UPRT: variants seen among roughly 807,000 people sequenced by gnomAD.
UPRT encodes RP11-311P8.3.
UPRT carries 5 observed loss-of-function variants against 22.6 expected under a neutral mutation model. That is an observed-to-expected ratio of 0.22 (90% CI 0.12 to 0.47). The LOEUF is 0.47. Among genes scored for constraint, UPRT ranks in the 20% least tolerant of loss-of-function variants. UPRT has a pLI of 0.99. For missense variants in UPRT, 181 were observed against 239.9 expected (o/e 0.75, Z 1.62); for synonymous variants, 77 against 87.7 (o/e 0.88, Z 0.68).
At chrX:75,172,724 C>T (rs1329088463) in intron 4 of UPRT, among the ~76,000 whole-genome samples, 4 of 109,164 alleles carry the variant, frequency 3.7e-5, no homozygotes, top group African/African-American at 1.3e-4. Flanking sequence ...AAGCTGCAGA[C>T]TTTCGCGGTG....
At chrX:75,178,169 C>G (rs1261053429) in intron 4 of UPRT, among the ~76,000 whole-genome samples, 2 of 112,341 alleles carry the variant, frequency 1.8e-5, no homozygotes, top group African/African-American at 6.5e-5. Flanking sequence ...ACGGTCCCAA[C>G]TCCGAAGAGT....
chrX:75,243,477 C>A (rs2082494584), intron 4 of UPRT, among the ~76,000 whole-genome samples: 1 of 111,232 alleles, frequency 9.0e-6, no homozygotes, highest in Non-Finnish European at 1.9e-5. Flanking sequence ...TGAGGATTGG[C>A]AATCCTCAAG....
intron 3 of UPRT, among the ~76,000 whole-genome samples, chrX:75,164,176 CTAAATAAATAAA>C (rs768965736): frequency 9.1e-6 from 1 of 110,185 alleles, no homozygotes; most frequent in African/African-American, 3.3e-5. Flanking sequence ...GTCTCCATCT[CTAAATAAATAAA>C]TAAATAAATA....
chrX:75,244,812 T>C (rs1311199376), intron 4 of UPRT, among the ~76,000 whole-genome samples: 1 of 109,648 alleles, frequency 9.1e-6, no homozygotes, highest in African/African-American at 3.3e-5. Flanking sequence ...CCTACAACCA[T>C]AAAAAAAACC....
At chrX:75,174,640 G>A (rs970370954) in intron 4 of UPRT, among the ~76,000 whole-genome samples, 33 of 112,182 alleles carry the variant, frequency 2.9e-4, no homozygotes, top group Non-Finnish European at 5.6e-4. Context: ...CCCCTAAGAA[G>A]GTGTAGCGTC....
At chrX:75,175,279 T>C (rs6655629) in intron 4 of UPRT, among the ~76,000 whole-genome samples, 1,270 of 111,908 alleles carry the variant, frequency 0.011, 20 homozygotes, top group African/African-American at 0.04. Context: ...ATGTAGATAA[T>C]AGCTCCAGCC....
intron 4 of UPRT, among the ~76,000 whole-genome samples, chrX:75,246,413 G>A (rs1306393637): frequency 1.8e-5 from 2 of 109,760 alleles, no homozygotes; most frequent in Middle Eastern, 8.5e-3. Flanking sequence ...CTTCATCCAT[G>A]TCCCTACAAA....
intron 4 of UPRT, among the ~76,000 whole-genome samples, chrX:75,259,795 A>G (rs933688510): frequency 5.4e-5 from 6 of 110,886 alleles, no homozygotes; most frequent in African/African-American, 1.3e-4. Context: ...CAACCCCAAG[A>G]CACATAATAG....
chrX:75,260,605 A>G (rs560261373), intron 4 of UPRT, among the ~76,000 whole-genome samples: 14 of 112,154 alleles, frequency 1.2e-4, no homozygotes, highest in African/African-American at 3.9e-4. Context: ...TCATAAAGCA[A>G]GTCCTTAGAG....
chrX:75,196,846 CA>C (rs1414484900), intron 4 of UPRT, among the ~76,000 whole-genome samples: 3 of 109,704 alleles, frequency 2.7e-5, no homozygotes, highest in African/African-American at 1.0e-4. Context: ...GACTCTTTCT[CA>C]AAAAAAGATA....
chrX:75,281,386 T>C (rs1208980796), intron 1 of UPRT, among the ~76,000 whole-genome samples: 3 of 111,852 alleles, frequency 2.7e-5, no homozygotes, highest in African/African-American at 3.3e-5. Flanking sequence ...TTTAGTATTA[T>C]GTTGTCTGTG....
intron 4 of UPRT, among the ~76,000 whole-genome samples, chrX:75,222,630 T>TG (rs1332269931): frequency 1.8e-5 from 2 of 111,221 alleles, no homozygotes; most frequent in Non-Finnish European, 3.8e-5. Context: ...CACAGGCCCA[T>TG]GGGGAACACT....
At chrX:75,281,740 C>A (rs1227793281) in intron 1 of UPRT, among the ~76,000 whole-genome samples, 1 of 111,422 alleles carries the variant, frequency 9.0e-6, no homozygotes, top group Non-Finnish European at 1.9e-5. Context: ...TTGGTCATAT[C>A]CTTCCCTGGT....
intron 4 of UPRT, among the ~76,000 whole-genome samples, chrX:75,195,835 C>A (rs1422290409): frequency 8.9e-6 from 1 of 111,933 alleles, no homozygotes; most frequent in Admixed American, 9.4e-5. Flanking sequence ...ATGTCCTAGT[C>A]CCTTGGTGCT....
At chrX:75,164,780 A>C (rs1396279126) in intron 3 of UPRT, among the ~76,000 whole-genome samples, 1 of 111,601 alleles carries the variant, frequency 9.0e-6, no homozygotes, top group African/African-American at 3.3e-5. Context: ...ATAGCTAATA[A>C]AACTTTAAAA....
At chrX:75,183,500 T>C (rs958480652) in intron 4 of UPRT, among the ~76,000 whole-genome samples, 22 of 112,246 alleles carry the variant, frequency 2.0e-4, no homozygotes, top group Non-Finnish European at 5.6e-5. Context: ...CATGTGCCTT[T>C]ATAGCAGCAT....
intron 1 of UPRT, among the ~76,000 whole-genome samples, chrX:75,156,899 T>TCACTCA (rs2082182134): frequency 2.0e-5 from 2 of 99,547 alleles, no homozygotes; most frequent in African/African-American, 7.6e-5. Flanking sequence ...TGGGACAGTC[T>TCACTCA]CACACACACA....
chrX:75,217,213 A>G (rs929117495), intron 4 of UPRT, among the ~76,000 whole-genome samples: 1 of 111,486 alleles, frequency 9.0e-6, no homozygotes, highest in Non-Finnish European at 1.9e-5. Flanking sequence ...ATTGAGCAGC[A>G]TAAAAAGAGT....
At chrX:75,227,738 A>G (rs1019077491) in intron 4 of UPRT, among the ~76,000 whole-genome samples, 1 of 112,510 alleles carries the variant, frequency 8.9e-6, no homozygotes, top group African/African-American at 3.2e-5. Flanking sequence ...AGAGAATTTC[A>G]TCTCAGCAAT....
Sources: gnomAD v4.1 joint callset for allele counts (sites outside exome capture counted in the v4.1 genomes callset) on GRCh38, gnomAD v4.1.1 for gene constraint, MANE v1.5 for transcripts, NCBI Gene and HGNC (gene_info 2026-07-23, HGNC 2026-07-21) for gene names.